NAALADL2: variants seen among roughly 807,000 people sequenced by gnomAD.
NAALADL2 encodes the protein N-acetylated alpha-linked acidic dipeptidase like 2.
Under a neutral mutation model 87.2 loss-of-function variants are expected in NAALADL2, and 76 were observed. The ratio of observed to expected loss-of-function variants is 0.87; its 90% CI spans 0.72 to 1.05. NAALADL2 has a LOEUF of 1.05. Among genes scored for constraint, NAALADL2 ranks in the 50% least tolerant of loss-of-function variants. The pLI, the probability that NAALADL2 is intolerant of heterozygous loss-of-function variation, is 0.00. For synonymous variants in NAALADL2, 354 were observed against 331.0 expected (o/e 1.07, Z -0.75); for missense variants, 1,089 against 945.8 (o/e 1.15, Z -1.99).
intron 3 of NAALADL2, among the ~76,000 whole-genome samples, chr3:174,803,180 A>C (rs940060039): frequency 6.6e-6 from 1 of 152,068 alleles, no homozygotes; most frequent in East Asian, 1.9e-4. Context: ...TCTAACTGAC[A>C]TGAGATGGTA....
At chr3:174,452,454 G>T (rs553358378) in intron 1 of NAALADL2, among the ~76,000 whole-genome samples, 5 of 152,302 alleles carry the variant, frequency 3.3e-5, no homozygotes, top group African/African-American at 1.2e-4. Context: ...CTTCTGGTAT[G>T]TGTGAATGAG....
At chr3:175,622,539 G>A (rs1701586462) in intron 10 of NAALADL2, among the ~76,000 whole-genome samples, 1 of 152,018 alleles carries the variant, frequency 6.6e-6, no homozygotes, top group Admixed American at 6.6e-5. Context: ...TGACATGCAG[G>A]GTTATGGAGA....
Position 175,096,941 on chromosome 3 carries a change from G to T in NAALADL2, c.195G>T (p.Gln65His). The T allele has an allele frequency of 6.2e-7, 1 of 1,613,358 alleles. No individual in the cohort carries two copies. The change falls in exon 2 of 14, where the codon CAG becomes CAT. Residue 65 changes from glutamine to histidine, a missense_variant. By Grantham distance (24) the Gln-to-His change is conservative (BLOSUM62 0). Transcript: ENST00000454872. Reference protein sequence around the residue: ...ELEESGFDQFQLDGAENQNLG... With the variant: ...ELEESGFDQFHLDGAENQNLG... ...AGGAGTCTGGTTTTGACCAATTCCA[G>T]CTAGACGGTGCTGAGAATCAGAACC...
intron 1 of NAALADL2, among the ~76,000 whole-genome samples, chr3:174,507,696 G>C: frequency 6.8e-6 from 1 of 147,278 alleles, no homozygotes; most frequent in Non-Finnish European, 1.5e-5. Context: ...TCAGGATAAT[G>C]CTTGTGAGAT....
intron 1 of NAALADL2, among the ~76,000 whole-genome samples, chr3:174,860,212 A>C (rs1467548600): frequency 6.6e-6 from 1 of 152,166 alleles, no homozygotes; most frequent in Non-Finnish European, 1.5e-5. Flanking sequence ...ATAGATCTGC[A>C]TGATCCTAAA....
chr3:174,844,577 C>T (rs542975120), intron 3 of NAALADL2, among the ~76,000 whole-genome samples: 2 of 152,042 alleles, frequency 1.3e-5, no homozygotes, highest in Non-Finnish European at 2.9e-5. Flanking sequence ...CTGTAGATCT[C>T]TTTGGTTGCA....
chr3:175,556,609 G>T (rs922215461), intron 9 of NAALADL2, among the ~76,000 whole-genome samples: 9 of 152,038 alleles, frequency 5.9e-5, no homozygotes, highest in African/African-American at 1.4e-4. Flanking sequence ...ATTTAAAATT[G>T]ACATCATTTT....
chr3:175,425,350 G>T (rs570697888), intron 5 of NAALADL2, among the ~76,000 whole-genome samples: 69 of 152,168 alleles, frequency 4.5e-4, no homozygotes, highest in African/African-American at 1.6e-3. Flanking sequence ...TTAACCTTAT[G>T]CCCTTTCTAC....
chr3:175,731,759 C>T (rs1039128931), intron 11 of NAALADL2, among the ~76,000 whole-genome samples: 1 of 152,152 alleles, frequency 6.6e-6, no homozygotes, highest in African/African-American at 2.4e-5. Context: ...TTCCAGTGTT[C>T]AAGGTGCCAA....
intron 5 of NAALADL2, among the ~76,000 whole-genome samples, chr3:175,350,626 G>C (rs932287764): frequency 8.5e-5 from 13 of 152,088 alleles, no homozygotes; most frequent in Admixed American, 5.2e-4. Context: ...TAAAGATTCA[G>C]GTGAGAGTTA....
At chr3:175,025,288 A>T (rs79050113) in intron 1 of NAALADL2, among the ~76,000 whole-genome samples, 1 of 152,056 alleles carries the variant, frequency 6.6e-6, no homozygotes, top group Admixed American at 6.6e-5. Context: ...TTTGTCAGGG[A>T]TGGGTAAAAC....
intron 10 of NAALADL2, among the ~76,000 whole-genome samples, chr3:175,619,823 G>A (rs548519845): frequency 2.0e-5 from 3 of 152,244 alleles, no homozygotes; most frequent in Admixed American, 6.5e-5. Flanking sequence ...GGGGACTGAA[G>A]CCAGTCCAGG....
chr3:174,780,181 C>T (rs1458517018), intron 3 of NAALADL2, among the ~76,000 whole-genome samples: 1 of 152,060 alleles, frequency 6.6e-6, no homozygotes, highest in Non-Finnish European at 1.5e-5. Flanking sequence ...TGAAGAAGTC[C>T]TTCAAATCCC....
At chr3:175,072,820 C>A (rs1174964555) in intron 1 of NAALADL2, among the ~76,000 whole-genome samples, 2 of 150,580 alleles carry the variant, frequency 1.3e-5, no homozygotes, top group African/African-American at 4.9e-5. Context: ...CACATGTACC[C>A]TAAAACTTAA....
chr3:175,615,957 T>G (rs143567515), intron 10 of NAALADL2, among the ~76,000 whole-genome samples: 1,699 of 139,592 alleles, frequency 0.012, 29 homozygotes, highest in African/African-American at 0.048. Context: ...TAGTATATAT[T>G]ATATAGCATG....
chr3:174,533,253 G>A (rs1162016071), intron 1 of NAALADL2, among the ~76,000 whole-genome samples: 1 of 151,788 alleles, frequency 6.6e-6, no homozygotes, highest in Non-Finnish European at 1.5e-5. Flanking sequence ...ATGGCGACTG[G>A]CCAAGGAGGC....
chr3:175,286,460 T>G (rs559612835), intron 4 of NAALADL2, among the ~76,000 whole-genome samples: 2 of 152,284 alleles, frequency 1.3e-5, no homozygotes, highest in East Asian at 3.9e-4. Context: ...AGAAAGGATT[T>G]TACAACAGAG....
intron 1 of NAALADL2, among the ~76,000 whole-genome samples, chr3:174,871,444 C>T (rs1727805093): frequency 6.6e-6 from 1 of 152,204 alleles, no homozygotes. Flanking sequence ...TTGTTTCTTT[C>T]TTGTTCCGTA....
At chr3:174,837,890 T>A (rs1412937808) in intron 3 of NAALADL2, among the ~76,000 whole-genome samples, 1 of 150,752 alleles carries the variant, frequency 6.6e-6, no homozygotes, top group African/African-American at 2.4e-5. Context: ...TACCAGACAG[T>A]CAAAGAAGAA....
Sources: gnomAD v4.1 joint callset for allele counts (sites outside exome capture counted in the v4.1 genomes callset) on GRCh38, gnomAD v4.1.1 for gene constraint, MANE v1.5 for transcripts, NCBI Gene and HGNC (gene_info 2026-07-23, HGNC 2026-07-21) for gene names.